Variants in MYO7B observed in about 807,000 individuals in gnomAD.
The protein encoded by MYO7B is myosin VIIB, also known as unconventional myosin-VIIb.
A neutral mutation model predicts 259.7 loss-of-function variants in MYO7B; 212 were observed. That is an observed-to-expected ratio of 0.82 (90% CI 0.73 to 0.91). The LOEUF (loss-of-function observed/expected upper bound fraction) is 0.91. Among genes scored for constraint, MYO7B ranks in the 40% least tolerant of loss-of-function variants. The pLI, the probability that MYO7B is intolerant of heterozygous loss-of-function variation, is 0.00. For missense variants in MYO7B, 2,732 were observed against 2,813.5 expected, an observed-to-expected ratio of 0.97 and a Z score of 0.66; for synonymous variants, 1,197 against 1,166.4, an observed-to-expected ratio of 1.03 and a Z score of -0.54.
chr2:127,564,007 A>T (rs189995512), intron 2 of MYO7B, 146 bp from the exon 3 acceptor site: 4 of 574,402 alleles, frequency 7.0e-6, no homozygotes, highest in Non-Finnish European at 1.2e-5. Flanking sequence ...GAGAGATGGG[A>T]GAGGGGAGGA....
In MYO7B at chr2:127,626,992, G is replaced by A. The variant is rs1378993860; in HGVS notation, c.4233G>A (p.Lys1411=). 4 of 1,611,590 alleles carry A rather than the reference G, an allele frequency of 2.5e-6. No individual in the cohort carries two copies. Among genetic ancestry groups the A allele is most frequent in the Non-Finnish European group, 3.4e-6 (4 of 1,179,208 alleles). Residue 1411 remains lysine, a synonymous_variant, in exon 32 of 48, where the codon AAG becomes AAA. Coordinates refer to ENST00000409816, the MANE Select transcript of MYO7B (RefSeq NM_001393586.1). ...AACAKAPYTQ[K]QVTPLAVREQ... ...CCCCTCAGGCCCCATACACTCAGAA[G>A]CAAGTCACACCACTGGCCGTGCGAG...
chr2:127,583,930 G>A (rs1679201773), intron 12 of MYO7B, among the ~76,000 whole-genome samples, 192 bp from the exon 13 acceptor site: 1 of 146,922 alleles, frequency 6.8e-6, no homozygotes, highest in African/African-American at 2.4e-5. Context: ...GAAGGTGACA[G>A]TGATGGAGGC....
At chr2:127,623,460 C>A in intron 29 of MYO7B, 85 bp downstream of exon 29, 1 of 1,383,924 alleles carries the variant, frequency 7.2e-7, no homozygotes, top group Non-Finnish European at 9.5e-7. Flanking sequence ...CTCACCTTTC[C>A]AGCCCGGCCA....
Position 127,631,596 on chromosome 2 carries a change from A to G in MYO7B, c.5096-4A>G, listed in dbSNP as rs1409460794. 1.2e-6 allele frequency: 2 copies of G among 1,612,786 alleles called. No individual in the cohort carries two copies. The highest frequency in any genetic ancestry group is 1.7e-5 in the Admixed American group (1 of 59,988). ...CCCAGCACTGTGCTCCTTGACAGCCACACCCATCCTCCGGTACATGGGCGA... is the reference window on the plus strand; with the variant it reads ...CCCAGCACTGTGCTCCTTGACAGCCGCACCCATCCTCCGGTACATGGGCGA... On this transcript the variant is annotated splice_polypyrimidine_tract_variant and splice_region_variant and intron_variant, in intron 37 of 47. Transcript: ENST00000409816.
chr2:127,631,989 A>G (rs1343775470), intron 38 of MYO7B, among the ~76,000 whole-genome samples: 2 of 152,222 alleles, frequency 1.3e-5, no homozygotes, highest in Non-Finnish European at 2.9e-5. Flanking sequence ...GTGACCTGGC[A>G]GGCCATGACC....
At chr2:127,624,869 C>T (rs1314741595) in intron 30 of MYO7B, among the ~76,000 whole-genome samples, 1 of 152,220 alleles carries the variant, frequency 6.6e-6, no homozygotes, top group African/African-American at 2.4e-5. Context: ...CAGGCAGATG[C>T]TGTTCCGGGA....
chr2:127,604,464 A>C (rs956181064), intron 19 of MYO7B, among the ~76,000 whole-genome samples: 5 of 152,254 alleles, frequency 3.3e-5, no homozygotes, highest in Admixed American at 6.5e-5. Context: ...ATCAGCAAGA[A>C]GGCTGTTTCA....
Position 127,627,557 on chromosome 2 carries a change from C to T in MYO7B, c.4460+247C>T, listed in dbSNP as rs759902497. 38 of 623,572 alleles carry T rather than the reference C, an allele frequency of 6.1e-5. No individual in the cohort carries two copies. In the Middle Eastern group the frequency reaches 3.8e-3, roughly 62 times the overall value. The allele number at this position is 623,572 out of a possible 1,614,324, so 38.6% of individuals were successfully genotyped here. ...GCACTGGCAGCTTCTCTTTGAAACC[C>T]AGGTCCACCCGGAAGGGGCAGGGAA... On this transcript the variant is annotated intron_variant, in intron 33 of 47. Transcript: ENST00000409816. The surrounding 1 kb of genome is among the most constrained non-coding windows in gnomAD (Gnocchi z 5.6).
chr2:127,619,332 T>C (rs1317818872), intron 26 of MYO7B, among the ~76,000 whole-genome samples: 1 of 60,832 alleles, frequency 1.6e-5, no homozygotes, highest in Non-Finnish European at 3.1e-5. Context: ...TTGTGGGGGC[T>C]GGATGGTGGG....
chr2:127,564,074 C>T, intron 2 of MYO7B, 79 bp from the exon 3 acceptor site: 2 of 1,046,158 alleles, frequency 1.9e-6, no homozygotes, highest in East Asian at 2.8e-5. Context: ...GAAGGCATAG[C>T]CCCGAAGAGA....
intron 2 of MYO7B, among the ~76,000 whole-genome samples, chr2:127,563,573 G>T (rs1678193709): frequency 6.6e-6 from 1 of 152,194 alleles, no homozygotes; most frequent in East Asian, 1.9e-4. Context: ...AGCTCCGCCT[G>T]CCACCTTGTG....
rs189698187 is a variant in MYO7B, at chr2:127,624,195, C to T, written c.3922C>T (p.Arg1308Cys). 23 of 1,596,744 alleles carry T rather than the reference C, an allele frequency of 1.4e-5. No individual in the cohort carries two copies. The highest frequency in any genetic ancestry group is 1.6e-4 in the Middle Eastern group (1 of 6,070). ...RGESQRQSPW[R>C]IYFRKEFFTP... is the part of the protein sequence containing the mutation. ...CGAGAGCCAGCGCCAGTCACCCTGG[C>T]GCATCTACTTCCGGAAGGAATTCTT... Residue 1308 changes from arginine (R) to cysteine (C), a missense_variant, in exon 30 of 48, where the codon CGC (arginine) becomes TGC (cysteine). Coordinates refer to ENST00000409816, the MANE Select transcript of MYO7B (RefSeq NM_001393586.1).
rs13400311 is a variant in MYO7B, at chr2:127,558,451, A to G, written c.-23-1249A>G. ...AAAACAGTGTGGAGATTCCTTAAAG[A>G]ACTAAAAGTAGAACTTCCATTTGAT... On this transcript the variant is annotated intron_variant, in intron 1 of 47. Transcript: ENST00000409816. 4.7e-3 allele frequency among the ~76,000 whole-genome samples: 722 copies of G among 152,324 alleles called. 6 individuals are homozygous for G. The highest frequency in any genetic ancestry group is 0.016 in the African/African-American group (667 of 41,572).
intron 6 of MYO7B, 41 bp downstream of exon 6, chr2:127,569,951 C>T (rs770876659): frequency 3.8e-6 from 6 of 1,585,686 alleles, no homozygotes; most frequent in Non-Finnish European, 5.2e-6. Context: ...CCCCAGCCCC[C>T]CTGGAGCCTT....
chr2:127,623,981 G>C, intron 29 of MYO7B, 112 bp from the exon 30 acceptor site: 1 of 998,860 alleles, frequency 1.0e-6, no homozygotes, highest in Admixed American at 2.6e-5. Flanking sequence ...GCCCACGCTG[G>C]GCTCCAAGGG....
At position 127,545,014 on chromosome 2, in the gene MYO7B, C is replaced by T. The variant is rs181955874; in HGVS notation, c.-24+9183C>T. ...TGCTGGGATTACAGGTGTGAGCCAC[C>T]GCACCCGGCCCTAACCATGCTTTTT... On this transcript the variant is annotated intron_variant, in intron 1 of 47. Coordinates refer to ENST00000409816, the MANE Select transcript of MYO7B (RefSeq NM_001393586.1). 1.6e-4 allele frequency among the ~76,000 whole-genome samples: 25 copies of T among 152,272 alleles called. No homozygotes were observed. In the East Asian group the frequency reaches 2.5e-3, roughly 15 times the overall value.
In MYO7B at chr2:127,628,375, GGCCC is replaced by G. The variant is rs1300174887; in HGVS notation, c.4465_4468del (p.Ala1489ArgfsTer36). The G allele has an allele frequency of 6.3e-7, 1 of 1,599,392 alleles. No homozygotes were observed. Among genetic ancestry groups the G allele is most frequent in the African/African-American group, 1.3e-5 (1 of 74,832 alleles). ...TCACGCTGTCCTTCATCTCCAGGGA[GGCCC>G]AGGGCGGGCAGAGGCTGCTGCTCTC... On this transcript the variant is annotated frameshift_variant, in exon 34 of 48. Coordinates refer to ENST00000409816, the MANE Select transcript of MYO7B (RefSeq NM_001393586.1). LOFTEE classifies it high-confidence loss of function. This position sits in a 1 kb window ranked among gnomAD's most constrained non-coding sequence, Gnocchi z 4.8.
intron 7 of MYO7B, among the ~76,000 whole-genome samples, chr2:127,575,936 A>T (rs1040637877): frequency 2.6e-5 from 4 of 152,224 alleles, no homozygotes; most frequent in African/African-American, 7.2e-5. Context: ...ACTACTGCAT[A>T]TGCTTCAGAT....
intron 19 of MYO7B, among the ~76,000 whole-genome samples, chr2:127,604,736 A>G (rs1297540912): frequency 6.6e-6 from 1 of 152,212 alleles, no homozygotes; most frequent in Non-Finnish European, 1.5e-5. Flanking sequence ...GCTGTGTCTC[A>G]GGGAACAGGG....
Sources: allele counts gnomAD v4.1 joint callset (sites outside exome capture counted in the v4.1 genomes callset), GRCh38; gene constraint gnomAD v4.1.1; non-coding constraint Gnocchi (gnomAD v3.1); transcripts MANE v1.5; gene names NCBI Gene and HGNC (gene_info 2026-07-23, HGNC 2026-07-21).